GAPVD1: variants seen among roughly 807,000 people sequenced by gnomAD.
GAPVD1 encodes the protein GTPase-activating protein and VPS9 domain-containing protein 1.
Under a neutral mutation model 155.5 loss-of-function variants are expected in GAPVD1, and 35 were observed. The ratio of observed to expected loss-of-function variants is 0.23; its 90% confidence interval spans 0.17 to 0.30. GAPVD1 has a LOEUF of 0.30. GAPVD1 is among the 10% of genes least tolerant of loss of function. The pLI is 1.00. For synonymous variants in GAPVD1, 636 were observed against 619.7 expected (o/e 1.03, Z -0.39); for missense variants, 1,429 against 1,775.7 (o/e 0.80, Z 3.51).
intron 9 of GAPVD1, among the ~76,000 whole-genome samples, chr9:125,315,921 A>G (rs990259486): frequency 1.2e-4 from 18 of 152,310 alleles, no homozygotes; most frequent in African/African-American, 4.1e-4. Flanking sequence ...AGGCTAAGGT[A>G]CAGTTGCAAA....
rs1833336130 is a variant in GAPVD1, at chr9:125,263,620, C to T, written c.-199+1661C>T. The T allele has an allele frequency of 5.2e-6, 7 of 1,353,488 alleles. No individual in the cohort carries two copies. The South Asian group carries it at 7.0e-5, about 13-fold the overall frequency. The allele number at this position is 1,353,488 out of a possible 1,614,324, so 83.8% of individuals were successfully genotyped here. A position where few individuals can be genotyped will look rare whatever the true frequency, so the allele number is the denominator to read the frequency against. ...TGACCACGTCCACGACCAAATCCGTCTCAACTGGAATTTGGCTGCTGACCC... is the reference window on the plus strand; with the variant it reads ...TGACCACGTCCACGACCAAATCCGTTTCAACTGGAATTTGGCTGCTGACCC... On this transcript the variant is annotated intron_variant, in intron 1 of 27. Transcript: ENST00000297933.
intron 15 of GAPVD1, among the ~76,000 whole-genome samples, chr9:125,333,864 G>A (rs1031161099): frequency 2.0e-5 from 3 of 151,898 alleles, no homozygotes; most frequent in African/African-American, 2.4e-5. Flanking sequence ...TGACATTTTG[G>A]GCTGGGAAAT....
chr9:125,293,851 T>TTTATATATATAAATATA (rs1839176894), intron 2 of GAPVD1, among the ~76,000 whole-genome samples: 7 of 38,290 alleles, frequency 1.8e-4, no homozygotes, highest in African/African-American at 1.1e-3. Flanking sequence ...AAAAATATAT[T>TTTATATATATAAATATA]TTATATATAT....
intron 12 of GAPVD1, among the ~76,000 whole-genome samples, chr9:125,328,907 C>T (rs1228384759): frequency 6.6e-6 from 1 of 152,196 alleles, no homozygotes; most frequent in African/African-American, 2.4e-5. Context: ...CCGAGGCTGG[C>T]GGATCACTCG....
At chr9:125,273,403 C>T (rs1365060461) in intron 2 of GAPVD1, among the ~76,000 whole-genome samples, 1 of 151,854 alleles carries the variant, frequency 6.6e-6, no homozygotes, top group African/African-American at 2.4e-5. Flanking sequence ...CTCATTTTTA[C>T]AGAATTTGTC....
At chr9:125,334,821 G>A (rs1846642877) in intron 15 of GAPVD1, among the ~76,000 whole-genome samples, 1 of 151,834 alleles carries the variant, frequency 6.6e-6, no homozygotes, top group East Asian at 1.9e-4. Context: ...TTAACAAAAT[G>A]ATCCTGTTTC....
intron 27 of GAPVD1, 45 bp from the exon 28 acceptor site, chr9:125,362,561 A>G (rs530676563): frequency 1.0e-5 from 15 of 1,488,278 alleles, no homozygotes; most frequent in South Asian, 7.8e-5. Context: ...TGGCAGAGCT[A>G]TGACATCTGA....
intron 19 of GAPVD1, among the ~76,000 whole-genome samples, chr9:125,342,540 C>T (rs1343634467): frequency 6.6e-6 from 1 of 152,130 alleles, no homozygotes; most frequent in Non-Finnish European, 1.5e-5. Flanking sequence ...ATGATGAGGC[C>T]CCTGATCCTG....
chr9:125,265,954 G>A (rs978132977), intron 1 of GAPVD1, among the ~76,000 whole-genome samples: 3 of 146,908 alleles, frequency 2.0e-5, no homozygotes, highest in Admixed American at 6.8e-5. Context: ...AACTGCTACC[G>A]GTTACTGTTA....
Position 125,354,798 on chromosome 9 carries a change from A to T in GAPVD1, c.3714A>T (p.Leu1238Phe), listed in dbSNP as rs757439541. 5 of 1,613,946 alleles carry T rather than the reference A, an allele frequency of 3.1e-6. No individual in the cohort carries two copies. Among genetic ancestry groups the T allele is most frequent in the Non-Finnish European group, 3.4e-6 (4 of 1,179,880 alleles). The change falls in exon 24 of 28, where the codon TTA becomes TTT. Residue 1238 changes from leucine to phenylalanine, a missense_variant. By Grantham distance (22) the Leu-to-Phe change is conservative. Around this residue, in one of 4 missense-constraint regions of GAPVD1, gnomAD observed 699 missense variants for 826.0 expected, o/e 0.85. Coordinates refer to ENST00000297933, the MANE Select transcript of GAPVD1 (RefSeq NM_001282680.3). ...NRYFTTVCVRLLLESKEKKIR... is the reference protein window; with the variant it reads ...NRYFTTVCVRFLLESKEKKIR... The stretch of plus-strand genomic sequence containing the variant: ...ACTTTACCACTGTCTGTGTGAGATT[A>T]CTGCTTGAGAGCAAAGAAAAGAAGA...
intron 9 of GAPVD1, among the ~76,000 whole-genome samples, chr9:125,316,704 G>C (rs1057163227): frequency 5.9e-5 from 9 of 152,158 alleles, no homozygotes; most frequent in African/African-American, 1.9e-4. Context: ...AAACGTATGT[G>C]TGCATGTGTC....
intron 1 of GAPVD1, chr9:125,263,525 GTTGT>G: frequency 2.4e-6 from 2 of 824,948 alleles, no homozygotes; most frequent in Admixed American, 1.9e-5. Flanking sequence ...TAGAAGAACT[GTTGT>G]TTTTTTTTTT....
At chr9:125,318,207 AAACTC>A (rs1442443699) in intron 9 of GAPVD1, among the ~76,000 whole-genome samples, 4 of 152,164 alleles carry the variant, frequency 2.6e-5, no homozygotes, top group Non-Finnish European at 4.4e-5. Context: ...GGTTGCTCTC[AAACTC>A]CTGACCTCAG....
intron 11 of GAPVD1, 43 bp from the exon 12 acceptor site, chr9:125,326,373 G>A: frequency 7.6e-7 from 1 of 1,322,480 alleles, no homozygotes; most frequent in Non-Finnish European, 1.1e-6. Flanking sequence ...AAAAGTCATA[G>A]CTGTGCTACT....
chr9:125,338,164 C>G lies in GAPVD1; in HGVS notation c.2877+573C>G, dbSNP rs148708399. On this transcript the variant is annotated intron_variant, in intron 17 of 27. Transcript: ENST00000297933. Reference sequence around the variant, plus strand: ...TGCTGGGATTACAGGCATGAGCCACCGCACCTGGCCCCATGAGTATTTTTT... The same window carrying G: ...TGCTGGGATTACAGGCATGAGCCACGGCACCTGGCCCCATGAGTATTTTTT... Among the ~76,000 whole-genome samples, 1,046 of 152,276 alleles carry G rather than the reference C, an allele frequency of 6.9e-3. 10 individuals carry two copies. Among genetic ancestry groups the G allele is most frequent in the African/African-American group, 0.024 (996 of 41,552 alleles).
intron 25 of GAPVD1, among the ~76,000 whole-genome samples, chr9:125,356,551 G>A (rs959288398): frequency 1.3e-5 from 2 of 152,036 alleles, no homozygotes. Context: ...GAGTGCAGTG[G>A]CATGATCACA....
At chr9:125,311,618 T>C (rs1842702957) in intron 8 of GAPVD1, among the ~76,000 whole-genome samples, 1 of 152,120 alleles carries the variant, frequency 6.6e-6, no homozygotes. Flanking sequence ...TGAAACTCCG[T>C]CTCAAAAAAA....
intron 1 of GAPVD1, among the ~76,000 whole-genome samples, 167 bp from the exon 2 acceptor site, chr9:125,268,769 A>G (rs1391213759): frequency 6.6e-6 from 1 of 152,154 alleles, no homozygotes; most frequent in Non-Finnish European, 1.5e-5. Context: ...CCTGAGTTCA[A>G]GTAGTTCATC....
At chr9:125,324,725 A>G (rs1844879427) in intron 11 of GAPVD1, among the ~76,000 whole-genome samples, 1 of 152,168 alleles carries the variant, frequency 6.6e-6, no homozygotes, top group African/African-American at 2.4e-5. Flanking sequence ...AGAGGTGGGA[A>G]GCCATAGTAC....
Sources: gnomAD v4.1 joint callset for allele counts (sites outside exome capture counted in the v4.1 genomes callset) on GRCh38, gnomAD v4.1.1 for gene constraint, gnomAD v4.1.1 regional missense constraint, MANE v1.5 for transcripts, NCBI Gene and HGNC (gene_info 2026-07-23, HGNC 2026-07-21) for gene names.